ADAMTS9: variants seen among roughly 807,000 people sequenced by gnomAD.
The protein encoded by ADAMTS9 is A disintegrin and metalloproteinase with thrombospondin motifs 9.
ADAMTS9 carries 107 observed loss-of-function variants against 257.1 expected under a neutral mutation model. The observed-to-expected ratio is 0.42, with a 90% CI of 0.36 to 0.49. The LOEUF (loss-of-function observed/expected upper bound fraction) is 0.49. Ranked by LOEUF, ADAMTS9 falls within the 20% of genes least tolerant of loss-of-function variation. ADAMTS9 has a pLI of 0.03. For synonymous variants in ADAMTS9, 982 were observed against 880.9 expected (o/e 1.11, Z -2.03); for missense variants, 2,353 against 2,469.1 (o/e 0.95, Z 1.00).
chr3:64,633,397 AT>A, intron 14 of ADAMTS9, 74 bp downstream of exon 14: 1 of 1,583,328 alleles, frequency 6.3e-7, no homozygotes, highest in Non-Finnish European at 8.6e-7. Flanking sequence ...AGCAGTTGCT[AT>A]TCTATCTAGG....
In ADAMTS9 at chr3:64,557,060, T is replaced by C. The variant is rs142261845; in HGVS notation, c.4698+4518A>G. ...AGTAATCTGCGTGTGTTGTGAGAGCTGAGTGGAGGAGCATCTGACTCAGAT... is the reference window on the plus strand; with the variant it reads ...AGTAATCTGCGTGTGTTGTGAGAGCCGAGTGGAGGAGCATCTGACTCAGAT... On this transcript the variant is annotated intron_variant, in intron 30 of 39. Transcript: ENST00000498707. 6.4e-4 allele frequency among the ~76,000 whole-genome samples: 98 copies of C among 152,244 alleles called. No homozygotes were observed. The East Asian group carries it at 0.014, about 21-fold the overall frequency.
chr3:64,568,820 C>G (rs570583427), intron 28 of ADAMTS9: 1 of 312,408 alleles, frequency 3.2e-6, no homozygotes, highest in East Asian at 7.7e-5. Flanking sequence ...GCTCATGAAC[C>G]TGAAATTACC....
intron 3 of ADAMTS9, 126 bp from the exon 4 acceptor site, chr3:64,658,917 G>A (rs1036457328): frequency 3.1e-6 from 3 of 968,916 alleles, no homozygotes; most frequent in Non-Finnish European, 4.6e-6. Context: ...AGTCCTCCAT[G>A]GACTCTACAG....
chr3:64,678,024 A>G (rs560509849), intron 3 of ADAMTS9, among the ~76,000 whole-genome samples: 5 of 152,276 alleles, frequency 3.3e-5, no homozygotes, highest in Non-Finnish European at 4.4e-5. Flanking sequence ...AATGACCAAG[A>G]CATATTCCAT....
intron 3 of ADAMTS9, among the ~76,000 whole-genome samples, chr3:64,673,987 T>A (rs1240225030): frequency 6.6e-6 from 1 of 152,016 alleles, no homozygotes; most frequent in South Asian, 2.1e-4. Flanking sequence ...AAAAATTTAA[T>A]GAATAAGTGG....
At chr3:64,669,190 G>C (rs1164106052) in intron 3 of ADAMTS9, among the ~76,000 whole-genome samples, 1 of 152,122 alleles carries the variant, frequency 6.6e-6, no homozygotes, top group Non-Finnish European at 1.5e-5. Flanking sequence ...CTCAACTCTC[G>C]ATATGACAAC....
chr3:64,532,487 G>A (rs2082994441), intron 38 of ADAMTS9, among the ~76,000 whole-genome samples: 2 of 152,228 alleles, frequency 1.3e-5, no homozygotes, highest in East Asian at 1.9e-4. Flanking sequence ...AAGTGGAACC[G>A]TCGTAAGTCA....
chr3:64,619,863 T>A (rs1056426238), intron 19 of ADAMTS9, among the ~76,000 whole-genome samples: 1 of 152,174 alleles, frequency 6.6e-6, no homozygotes, highest in Non-Finnish European at 1.5e-5. Context: ...TAGTGATTAA[T>A]TCAGTTTAGC....
chr3:64,537,776 T>G (rs1447391683), intron 37 of ADAMTS9, among the ~76,000 whole-genome samples: 2 of 152,168 alleles, frequency 1.3e-5, no homozygotes, highest in Admixed American at 6.5e-5. Context: ...TGTGAAGACC[T>G]CCTTTAAACC....
At chr3:64,625,993 A>C (rs570710372) in intron 16 of ADAMTS9, among the ~76,000 whole-genome samples, 2 of 152,216 alleles carry the variant, frequency 1.3e-5, no homozygotes, top group Non-Finnish European at 2.9e-5. Context: ...TAGCGTCTGA[A>C]GTCTGACCCA....
At chr3:64,621,008 A>C in intron 19 of ADAMTS9, 106 bp downstream of exon 19, 2 of 1,366,232 alleles carry the variant, frequency 1.5e-6, no homozygotes, top group South Asian at 2.9e-5. Flanking sequence ...AAACACAAGA[A>C]AGGGGAACTA....
chr3:64,550,645 C>T, intron 31 of ADAMTS9: 1 of 490,168 alleles, frequency 2.0e-6, no homozygotes, highest in Non-Finnish European at 3.6e-6. Context: ...AATAGGACAT[C>T]AAGGTGAATC....
chr3:64,545,550 C>G (rs1277245874), intron 32 of ADAMTS9, among the ~76,000 whole-genome samples: 1 of 152,096 alleles, frequency 6.6e-6, no homozygotes, highest in African/African-American at 2.4e-5. Context: ...TAGGTGGGAA[C>G]TGAACAATGA....
At chr3:64,535,595 C>T (rs1425192939) in intron 37 of ADAMTS9, among the ~76,000 whole-genome samples, 1 of 138,102 alleles carries the variant, frequency 7.2e-6, no homozygotes, top group Non-Finnish European at 1.5e-5. Flanking sequence ...ACTCTGTCAC[C>T]TAGGCTGGAG....
intron 29 of ADAMTS9, 22 bp downstream of exon 29, chr3:64,568,346 G>C: frequency 6.3e-7 from 1 of 1,599,132 alleles, no homozygotes; most frequent in Non-Finnish European, 8.5e-7. Flanking sequence ...GAAGCAGTCA[G>C]TAGAGGAGAA....
In ADAMTS9 at chr3:64,633,744, G is replaced by C. The variant is rs1217737752; in HGVS notation, c.1992C>G (p.Ile664Met). 1 of 1,613,592 alleles carries C rather than the reference G, an allele frequency of 6.2e-7. No individual in the cohort carries two copies. Among genetic ancestry groups the C allele is most frequent in the Non-Finnish European group, 8.5e-7 (1 of 1,179,988 alleles). ...CAHFDGKHFNINGLLPNVRWV... is the reference protein window; with the variant it reads ...CAHFDGKHFNMNGLLPNVRWV... Reference sequence around the variant, plus strand: ...AGCGCACATTGGGAAGCAGACCGTTGATGTTAAAATGCTTCCCGTCAAAGT... The same window carrying C: ...AGCGCACATTGGGAAGCAGACCGTTCATGTTAAAATGCTTCCCGTCAAAGT... Residue 664 changes from isoleucine (I) to methionine (M), a missense_variant, in exon 13 of 40, where the codon ATC (isoleucine) becomes ATG (methionine). Transcript: ENST00000498707.
rs573362079 is a variant in ADAMTS9 at position 64,616,482 on chromosome 3, A to G, written c.2814-312T>C. The stretch of plus-strand genomic sequence containing the variant: ...AAACATTTTTTTCAAGTGTATTAAA[A>G]CCTGTGTACATTATTATCTGTAAAT... On this transcript the variant is annotated intron_variant, in intron 19 of 39. Coordinates refer to ENST00000498707, the MANE Select transcript of ADAMTS9 (RefSeq NM_182920.2). 2.6e-5 allele frequency among the ~76,000 whole-genome samples: 4 copies of G among 152,120 alleles called. No homozygotes were observed. In the South Asian group the frequency reaches 8.3e-4, roughly 32 times the overall value.
intron 26 of ADAMTS9, among the ~76,000 whole-genome samples, chr3:64,599,412 A>G (rs979123829): frequency 6.6e-6 from 1 of 152,226 alleles, no homozygotes; most frequent in Admixed American, 6.5e-5. Context: ...GTCATCCACA[A>G]TGGACAAAAT....
chr3:64,654,838 G>A (rs541348673), intron 6 of ADAMTS9, among the ~76,000 whole-genome samples: 7 of 152,242 alleles, frequency 4.6e-5, no homozygotes, highest in Admixed American at 1.3e-4. Flanking sequence ...TGGTCAGGGC[G>A]GTCACAGAGC....
Sources: allele counts gnomAD v4.1 joint callset (sites outside exome capture counted in the v4.1 genomes callset), GRCh38; gene constraint gnomAD v4.1.1; transcripts MANE v1.5; gene names NCBI Gene and HGNC (gene_info 2026-07-23, HGNC 2026-07-21).